MYO18B: variants seen among roughly 807,000 people sequenced by gnomAD.
The protein encoded by MYO18B is myosin XVIIIB, also known as unconventional myosin-XVIIIb.
A neutral mutation model predicts 273.0 loss-of-function variants in MYO18B; 204 were observed. The ratio of observed to expected loss-of-function variants is 0.75; its 90% CI spans 0.67 to 0.84. The LOEUF is 0.84. MYO18B is among the 40% of genes least tolerant of loss of function. The pLI, the probability that MYO18B is intolerant of heterozygous loss-of-function variation, is 0.00. For synonymous variants in MYO18B, 1,330 were observed against 1,305.7 expected (o/e 1.02, Z -0.40); for missense variants, 3,212 against 3,287.6 (o/e 0.98, Z 0.56).
intron 39 of MYO18B, among the ~76,000 whole-genome samples, chr22:25,986,318 T>C (rs1292122446): frequency 6.6e-6 from 1 of 152,146 alleles, no homozygotes; most frequent in Non-Finnish European, 1.5e-5. Flanking sequence ...ATAAAGTATA[T>C]ATTTTTTAAC....
At chr22:25,874,223 A>ACC (rs781354352) in intron 22 of MYO18B, 63 bp from the exon 23 acceptor site, 87,417 of 1,588,574 alleles carry the variant, frequency 0.055, 2,612 homozygotes, top group African/African-American at 0.17. Flanking sequence ...ATTTGCAAGC[A>ACC]CCCCCCCATT....
intron 25 of MYO18B, among the ~76,000 whole-genome samples, chr22:25,882,186 A>ACCCCTAAAACAGGGATCAGTAG (rs695825): frequency 1.3e-5 from 2 of 152,230 alleles, no homozygotes; most frequent in African/African-American, 4.8e-5. Context: ...CTAGACTGAA[A>ACCCCTAAAACAGGGATCAGTAG]TCCCTGTTTT....
At position 26,030,680 on chromosome 22, in the gene MYO18B, C is replaced by T. The variant is rs1936623081; in HGVS notation, c.*250C>T. The stretch of plus-strand genomic sequence containing the variant: ...CTCTATGGCCTTGCTACCTGGGATT[C>T]CAGAGAGTTGATGGGGTGCAGATAG... On this transcript the variant is annotated 3_prime_UTR_variant, in exon 44 of 44. Transcript: ENST00000335473. 5.4e-6 allele frequency: 2 copies of T among 367,692 alleles called. No individual in the cohort carries two copies. The highest frequency in any genetic ancestry group is 4.2e-5 in the African/African-American group (2 of 48,104). The allele number at this position is 367,692 out of a possible 1,614,324, so 22.8% of individuals were successfully genotyped here.
At chr22:25,827,865 A>C (rs1175996618) in intron 14 of MYO18B, among the ~76,000 whole-genome samples, 11 of 152,232 alleles carry the variant, frequency 7.2e-5, no homozygotes, top group Non-Finnish European at 1.0e-4. Context: ...ATGGATGATC[A>C]AAGTACCTAC....
rs1335440928 is a variant in MYO18B, at chr22:25,955,189, T to G, written c.5981T>G (p.Ile1994Ser). The change falls in exon 39 of 44, where the codon ATC becomes AGC. Residue 1994 changes from isoleucine (I) to serine (S), a missense_variant. By Grantham distance (142) the Ile-to-Ser change is moderately radical (BLOSUM62 -2). Coordinates refer to ENST00000335473, the MANE Select transcript of MYO18B (RefSeq NM_032608.7). ...VQIKRFEVLVIRLRDSLIKMG... is the reference protein window; with the variant it reads ...VQIKRFEVLVSRLRDSLIKMG... ...CTCTGCCCCTCCCAGGTCCTGGTGA[T>G]CCGGCTTCGGGACAGCCTGATCAAG... 6.2e-7 allele frequency: 1 copy of G among 1,606,610 alleles called. No homozygotes were observed. Among genetic ancestry groups the G allele is most frequent in the Admixed American group, 1.7e-5 (1 of 59,288 alleles).
In MYO18B at chr22:25,846,122, C is replaced by T; in HGVS notation, c.3391C>T (p.Gln1131Ter). Residue 1131 changes from glutamine to a stop codon, truncating the protein, a stop_gained, in exon 19 of 44, where the codon CAG becomes TAG. Coordinates refer to ENST00000335473, the MANE Select transcript of MYO18B (RefSeq NM_032608.7). LOFTEE classifies it high-confidence loss of function. ...CAGAGAGGAGCTGCGGAGTCTATTC[C>T]AGGCCCGGGCCAAGCTGCCTCCTGT... ...SKREELRSLF[Q>*]ARAKLPPVCR... 1.3e-6 allele frequency: 2 copies of T among 1,587,210 alleles called. No individual in the cohort carries two copies. Among genetic ancestry groups the T allele is most frequent in the Non-Finnish European group, 8.6e-7 (1 of 1,169,486 alleles).
In MYO18B at chr22:25,855,175, C is replaced by A. The variant is rs544873382; in HGVS notation, c.3885+3596C>A. 3.3e-5 allele frequency among the ~76,000 whole-genome samples: 5 copies of A among 152,196 alleles called. No individual in the cohort carries two copies. In the South Asian group the frequency reaches 1.0e-3, roughly 32 times the overall value. ...TCCATTTGCTTTCATCATTTAGCTC[C>A]CACTTATAAGTGAGAACATGTGGTA... On this transcript the variant is annotated intron_variant, in intron 21 of 43. Coordinates refer to ENST00000335473, the MANE Select transcript of MYO18B (RefSeq NM_032608.7).
At chr22:25,773,210 T>TA (rs2086788845) in intron 7 of MYO18B, among the ~76,000 whole-genome samples, 1 of 152,062 alleles carries the variant, frequency 6.6e-6, no homozygotes, top group East Asian at 1.9e-4. Flanking sequence ...ATTGAGCTAT[T>TA]GATTGAGGGT....
In MYO18B at chr22:26,027,750, G is replaced by A; in HGVS notation, c.*12+60G>A. On this transcript the variant is annotated intron_variant, in intron 43 of 43. Transcript: ENST00000335473. The surrounding 1 kb of genome is among the most constrained non-coding windows in gnomAD (Gnocchi z 4.1). Reference sequence around the variant, plus strand: ...ATGAGAGTTCACCTTGCAGCCTTGGGGAGAGCAGGTGCCACTACTGTCCTT... The same window carrying A: ...ATGAGAGTTCACCTTGCAGCCTTGGAGAGAGCAGGTGCCACTACTGTCCTT... 6.7e-7 allele frequency: 1 copy of A among 1,482,792 alleles called. No individual in the cohort carries two copies. The highest frequency in any genetic ancestry group is 1.4e-5 in the South Asian group (1 of 71,862). The allele number at this position is 1,482,792 out of a possible 1,614,324, so 91.9% of individuals were successfully genotyped here. A position where few individuals can be genotyped will look rare whatever the true frequency, so the allele number is the denominator to read the frequency against.
chr22:25,781,483 G>A lies in MYO18B; in HGVS notation c.2212-251G>A, dbSNP rs6519625. ...AAATTAGCCGGGCGTGGTGGTGGGC[G>A]CCTGTGGTCCCAGCTACTCGGGAGG... is the stretch of plus-strand genomic sequence containing the variant. On this transcript the variant is annotated intron_variant, in intron 9 of 43. Transcript: ENST00000335473. 0.52 allele frequency among the ~76,000 whole-genome samples: 78,800 copies of A among 151,852 alleles called. 21,601 individuals carry two copies. Among genetic ancestry groups the A allele is most frequent in the East Asian group, 0.62 (3,220 of 5,158 alleles).
chr22:25,790,427 G>A (rs970214719), intron 11 of MYO18B, among the ~76,000 whole-genome samples: 2 of 152,190 alleles, frequency 1.3e-5, no homozygotes, highest in African/African-American at 4.8e-5. Flanking sequence ...TCCGTCTAAG[G>A]AGATGTCTCC....
intron 11 of MYO18B, among the ~76,000 whole-genome samples, chr22:25,794,461 C>T (rs1233693447): frequency 1.3e-5 from 2 of 152,074 alleles, no homozygotes; most frequent in South Asian, 2.1e-4. Context: ...GCTGGGATTA[C>T]AGGCATGAGC....
At chr22:26,049,028 A>G in the MYO18B span, among the ~76,000 whole-genome samples, 1 of 152,214 alleles carries the variant, frequency 6.6e-6, no homozygotes, top group Non-Finnish European at 1.5e-5. Flanking sequence ...GTTTACCTAC[A>G]TAACAAACCT....
chr22:25,918,296 T>G (rs1276531797), intron 33 of MYO18B, among the ~76,000 whole-genome samples: 1 of 152,230 alleles, frequency 6.6e-6, no homozygotes, highest in Non-Finnish European at 1.5e-5. Context: ...GTTTGGAGAT[T>G]CCTTTGACAA....
downstream of MYO18B, among the ~76,000 whole-genome samples, chr22:26,034,815 G>A (rs963127349): frequency 1.3e-5 from 2 of 152,192 alleles, no homozygotes; most frequent in Non-Finnish European, 2.9e-5. Context: ...GAGTCTCAGA[G>A]AAGAAAGTGA....
At position 25,772,410 on chromosome 22, in the gene MYO18B, C is replaced by T. The variant is rs370187232; in HGVS notation, c.1769C>T (p.Thr590Met). 3.5e-5 allele frequency: 56 copies of T among 1,613,934 alleles called. No homozygotes were observed. In the East Asian group the frequency reaches 4.5e-4, roughly 13 times the overall value. Residue 590 changes from threonine (T) to methionine (M), a missense_variant, in exon 7 of 44, where the codon ACG becomes ATG. Coordinates refer to ENST00000335473, the MANE Select transcript of MYO18B (RefSeq NM_032608.7). ...GTCAACGAATCCAGTGTCCTGAACACGCTTCTGCAGCGCTACAAAGCTCAG... is the reference window on the plus strand; with the variant it reads ...GTCAACGAATCCAGTGTCCTGAACATGCTTCTGCAGCGCTACAAAGCTCAG... ...ISVNESSVLN[T>M]LLQRYKAQLL...
chr22:25,833,415 G>A (rs1235215773), intron 16 of MYO18B, among the ~76,000 whole-genome samples: 1 of 152,000 alleles, frequency 6.6e-6, no homozygotes, highest in Non-Finnish European at 1.5e-5. Flanking sequence ...GAGAACAGGG[G>A]ACCATGTTGG....
chr22:25,835,491 T>C, intron 17 of MYO18B, 48 bp downstream of exon 17: 1 of 1,608,592 alleles, frequency 6.2e-7, no homozygotes, highest in South Asian at 1.1e-5. Context: ...AGCCTGGGTA[T>C]TAGAATCTGT....
chr22:25,879,122 T>C (rs538989541), intron 25 of MYO18B, among the ~76,000 whole-genome samples: 30 of 152,348 alleles, frequency 2.0e-4, no homozygotes, highest in African/African-American at 6.5e-4. Context: ...CTGCTTTTTG[T>C]AAATAAAGTT....
Sources: allele counts gnomAD v4.1 joint callset (sites outside exome capture counted in the v4.1 genomes callset), GRCh38; gene constraint gnomAD v4.1.1; non-coding constraint Gnocchi (gnomAD v3.1); transcripts MANE v1.5; gene names NCBI Gene and HGNC (gene_info 2026-07-23, HGNC 2026-07-21).